The following ZNF521 variants were observed in gnomAD, a reference collection of about 807,000 sequenced individuals.
ZNF521 encodes the protein zinc finger protein 521, also known as LYST-interacting protein 3.
Under a neutral mutation model 105.5 loss-of-function variants are expected in ZNF521, and 14 were observed. The ratio of observed to expected loss-of-function variants is 0.13; its 90% CI spans 0.09 to 0.21. The LOEUF is 0.21. Ranked by LOEUF, ZNF521 falls within the 10% of genes least tolerant of loss-of-function variation. The pLI, the probability that ZNF521 is intolerant of heterozygous loss-of-function variation, is 1.00. For missense variants in ZNF521, 1,233 were observed against 1,629.7 expected, an observed-to-expected ratio of 0.76 and a Z score of 4.19; for synonymous variants, 635 against 606.0, an observed-to-expected ratio of 1.05 and a Z score of -0.70.
chr18:25,238,024 C>T (rs1384499900), intron 3 of ZNF521, among the ~76,000 whole-genome samples: 4 of 152,148 alleles, frequency 2.6e-5, no homozygotes, highest in Non-Finnish European at 5.9e-5. Context: ...GGATGAGTAA[C>T]ATGTTATAAT....
chr18:25,283,011 GA>G (rs1910475000), intron 3 of ZNF521, among the ~76,000 whole-genome samples: 1 of 152,180 alleles, frequency 6.6e-6, no homozygotes, highest in Non-Finnish European at 1.5e-5. Context: ...TAAACCTACA[GA>G]GAATGACTTT....
chr18:25,212,947 T>C (rs1488027514), intron 4 of ZNF521, among the ~76,000 whole-genome samples: 5 of 151,650 alleles, frequency 3.3e-5, no homozygotes, highest in African/African-American at 9.7e-5. Context: ...CTTTAGATTC[T>C]TTGGGTGTCG....
chr18:25,226,019 T>C lies in ZNF521; in HGVS notation c.1899A>G (p.Glu633=). 6.2e-7 allele frequency: 1 copy of C among 1,614,204 alleles called. No homozygotes were observed. Among genetic ancestry groups the C allele is most frequent in the South Asian group, 1.1e-5 (1 of 91,082 alleles). Reference sequence around the variant, plus strand: ...TAGCACCACATTGATTACAGATATATTCTCCAGTGGGACGTGCAGGTGCAC... The same window carrying C: ...TAGCACCACATTGATTACAGATATACTCTCCAGTGGGACGTGCAGGTGCAC... ...VGGAPARPTG[E]YICNQCGAKY... The change falls in exon 4 of 8, where the codon GAA becomes GAG. Residue 633 remains glutamate, a synonymous_variant. Coordinates refer to ENST00000361524, the MANE Select transcript of ZNF521 (RefSeq NM_015461.3). This position sits in a 1 kb window ranked among gnomAD's most constrained non-coding sequence, Gnocchi z 4.1.
At chr18:25,090,579 G>A (rs2033722292) in intron 6 of ZNF521, among the ~76,000 whole-genome samples, 1 of 152,026 alleles carries the variant, frequency 6.6e-6, no homozygotes, top group Non-Finnish European at 1.5e-5. Flanking sequence ...AACAATTCAC[G>A]TCTGTCTGCA....
chr18:25,168,487 C>T (rs2035389114), intron 5 of ZNF521, among the ~76,000 whole-genome samples: 1 of 152,122 alleles, frequency 6.6e-6, no homozygotes, highest in Non-Finnish European at 1.5e-5. Context: ...GTAGTGTGCA[C>T]CCGGTCCCAA....
At chr18:25,278,005 A>C (rs1910142987) in intron 3 of ZNF521, among the ~76,000 whole-genome samples, 1 of 152,212 alleles carries the variant, frequency 6.6e-6, no homozygotes, top group Non-Finnish European at 1.5e-5. Context: ...GTCTTCTTCA[A>C]TCTGTGTGCA....
chr18:25,082,841 C>CAAAAAA (rs59374351), intron 7 of ZNF521: 1 of 73,466 alleles, frequency 1.4e-5, no homozygotes, highest in Non-Finnish European at 2.5e-5. Flanking sequence ...GACTCCGTCT[C>CAAAAAA]AAAAAAAAAA....
Position 25,124,113 on chromosome 18 carries a change from T to G in ZNF521, c.3659-32032A>C, listed in dbSNP as rs2034494528. ...TTATGAAAACAAGAAGCCGACAGAA[T>G]GCTCTTTTCTCTAAATTTCTATTAT... On this transcript the variant is annotated intron_variant, in intron 5 of 7. Transcript: ENST00000361524. Among the ~76,000 whole-genome samples, 3 of 152,160 alleles carry G rather than the reference T, an allele frequency of 2.0e-5. No individual in the cohort carries two copies. The South Asian group carries it at 6.2e-4, about 32-fold the overall frequency.
At chr18:25,235,819 AT>A (rs1393099093) in intron 3 of ZNF521, among the ~76,000 whole-genome samples, 1 of 152,236 alleles carries the variant, frequency 6.6e-6, no homozygotes, top group Non-Finnish European at 1.5e-5. Flanking sequence ...AAAGGCTAAA[AT>A]TTAATTAATG....
At chr18:25,186,043 TA>T (rs1207463414) in intron 5 of ZNF521, among the ~76,000 whole-genome samples, 1 of 152,214 alleles carries the variant, frequency 6.6e-6, no homozygotes, top group African/African-American at 2.4e-5. Flanking sequence ...TTCAGGTTAA[TA>T]TGACTGAAAA....
intron 7 of ZNF521, among the ~76,000 whole-genome samples, chr18:25,081,368 A>G (rs2144170005): frequency 6.6e-6 from 1 of 152,346 alleles, no homozygotes; most frequent in African/African-American, 2.4e-5. Context: ...AGCCATCAAT[A>G]TGAACATCAA....
intron 2 of ZNF521, among the ~76,000 whole-genome samples, chr18:25,330,644 C>A (rs938065275): frequency 6.6e-5 from 10 of 152,200 alleles, no homozygotes; most frequent in Admixed American, 6.5e-5. Context: ...ATTCTAATAT[C>A]TCTTTCTTAT....
chr18:25,198,747 T>C (rs1421708746), intron 4 of ZNF521, among the ~76,000 whole-genome samples: 2 of 151,352 alleles, frequency 1.3e-5, no homozygotes, highest in African/African-American at 2.4e-5. Flanking sequence ...ATTTGATGAG[T>C]GAAAGCTTTT....
intron 3 of ZNF521, among the ~76,000 whole-genome samples, chr18:25,311,340 G>GT (rs558715634): frequency 3.6e-4 from 54 of 148,214 alleles, no homozygotes; most frequent in Middle Eastern, 3.5e-3. Context: ...CACGAGCATC[G>GT]TAAGTAGAGA....
intron 3 of ZNF521, among the ~76,000 whole-genome samples, chr18:25,273,957 G>A (rs1343700029): frequency 6.6e-6 from 1 of 152,108 alleles, no homozygotes; most frequent in Non-Finnish European, 1.5e-5. Context: ...ACAGTTCAGA[G>A]GTATCATCTC....
chr18:25,134,968 T>C (rs1244783474), intron 5 of ZNF521, among the ~76,000 whole-genome samples: 1 of 152,158 alleles, frequency 6.6e-6, no homozygotes, highest in Admixed American at 6.5e-5. Context: ...CTCTATCCTG[T>C]AATACTTCTT....
chr18:25,161,479 G>A (rs969343485), intron 5 of ZNF521, among the ~76,000 whole-genome samples: 2 of 152,170 alleles, frequency 1.3e-5, no homozygotes, highest in East Asian at 3.9e-4. Flanking sequence ...TGGTGAAATG[G>A]CCAGCATTGT....
intron 3 of ZNF521, among the ~76,000 whole-genome samples, chr18:25,308,359 G>C (rs971100116): frequency 3.3e-5 from 5 of 152,090 alleles, no homozygotes; most frequent in Non-Finnish European, 7.4e-5. Flanking sequence ...GAAACTTTGA[G>C]AAAATACATG....
intron 4 of ZNF521, among the ~76,000 whole-genome samples, chr18:25,203,124 T>C (rs1207291153): frequency 6.6e-6 from 1 of 152,152 alleles, no homozygotes; most frequent in Non-Finnish European, 1.5e-5. Flanking sequence ...ACACAAACAT[T>C]AAAGTGTTTT....
Sources: gnomAD v4.1 joint callset for allele counts (sites outside exome capture counted in the v4.1 genomes callset) on GRCh38, gnomAD v4.1.1 for gene constraint, Gnocchi (gnomAD v3.1) non-coding constraint, MANE v1.5 for transcripts, NCBI Gene and HGNC (gene_info 2026-07-23, HGNC 2026-07-21) for gene names.